ZMAT4: variants seen among roughly 807,000 people sequenced by gnomAD.
ZMAT4 encodes the protein zinc finger matrin-type 4, also known as zinc finger matrin-type protein 4.
ZMAT4 carries 17 observed loss-of-function variants against 28.7 expected under a neutral mutation model. That is an observed-to-expected ratio of 0.59 (90% CI 0.41 to 0.89). The LOEUF (loss-of-function observed/expected upper bound fraction) is 0.89, where lower values mean the gene tolerates loss of function less well. Among genes scored for constraint, ZMAT4 ranks in the 40% least tolerant of loss-of-function variants. ZMAT4 has a pLI of 0.00. For synonymous variants in ZMAT4, 117 were observed against 109.2 expected, an observed-to-expected ratio of 1.07 and a Z score of -0.44; for missense variants, 240 against 283.8, an observed-to-expected ratio of 0.85 and a Z score of 1.11.
At chr8:40,727,980 C>T (rs1410954410) in intron 3 of ZMAT4, among the ~76,000 whole-genome samples, 1 of 151,684 alleles carries the variant, frequency 6.6e-6, no homozygotes, top group Non-Finnish European at 1.5e-5. Flanking sequence ...ATACCAAAAG[C>T]AAAAATAGGT....
chr8:40,823,585 AGAG>A (rs1815909079), intron 2 of ZMAT4, among the ~76,000 whole-genome samples: 1 of 152,068 alleles, frequency 6.6e-6, no homozygotes, highest in Admixed American at 6.5e-5. Flanking sequence ...CTTGAACCCT[AGAG>A]GAGGAGGTTG....
intron 5 of ZMAT4, among the ~76,000 whole-genome samples, chr8:40,611,005 G>T (rs1290963696): frequency 6.7e-6 from 1 of 149,148 alleles, no homozygotes; most frequent in Non-Finnish European, 1.5e-5. Context: ...TCTCCAAAAA[G>T]ACCCGAGTGG....
intron 1 of ZMAT4, among the ~76,000 whole-genome samples, chr8:40,841,673 T>C (rs1217843236): frequency 6.6e-6 from 1 of 152,216 alleles, no homozygotes; most frequent in Non-Finnish European, 1.5e-5. Flanking sequence ...AAAGTATCTC[T>C]CTTCTCTGTA....
At position 40,756,381 on chromosome 8, in the gene ZMAT4, C is replaced by A. The variant is rs1812680105; in HGVS notation, c.192+11260G>T. ...GCAACACTTATCAAAATTATAAATG[C>A]ACACATGTTTTCACCCAGCAATTTC... On this transcript the variant is annotated intron_variant, in intron 3 of 6. Coordinates refer to ENST00000297737, the MANE Select transcript of ZMAT4 (RefSeq NM_024645.3). Among the ~76,000 whole-genome samples, 3 of 140,872 alleles carry A rather than the reference C, an allele frequency of 2.1e-5. No individual in the cohort carries two copies. In the South Asian group the frequency reaches 6.8e-4, roughly 32 times the overall value. The allele number at this position is 140,872 out of a possible 152,430, so 92.4% of individuals were successfully genotyped here. A position where few individuals can be genotyped will look rare whatever the true frequency, so the allele number is the denominator to read the frequency against.
intron 5 of ZMAT4, among the ~76,000 whole-genome samples, chr8:40,619,121 T>C (rs557386685): frequency 6.6e-6 from 1 of 152,284 alleles, no homozygotes; most frequent in African/African-American, 2.4e-5. Flanking sequence ...GGACTATTAA[T>C]TCCCTGATGC....
intron 4 of ZMAT4, among the ~76,000 whole-genome samples, chr8:40,686,405 G>C (rs1809409338): frequency 6.6e-6 from 1 of 151,978 alleles, no homozygotes; most frequent in Admixed American, 6.6e-5. Context: ...TTCAAAGCTT[G>C]AGTAAGCTAT....
intron 1 of ZMAT4, among the ~76,000 whole-genome samples, chr8:40,888,893 T>C (rs1326376488): frequency 1.3e-5 from 2 of 152,180 alleles, no homozygotes; most frequent in Non-Finnish European, 2.9e-5. Flanking sequence ...GAAGGAAGGA[T>C]GACAGGAAGG....
intron 3 of ZMAT4, among the ~76,000 whole-genome samples, chr8:40,704,487 C>T (rs538727928): frequency 1.6e-4 from 25 of 152,336 alleles, no homozygotes; most frequent in Non-Finnish European, 3.5e-4. Context: ...CCTGACCTCT[C>T]CCAGTCCTTA....
intron 5 of ZMAT4, among the ~76,000 whole-genome samples, chr8:40,651,224 C>G (rs1258175213): frequency 6.6e-6 from 1 of 152,054 alleles, no homozygotes; most frequent in East Asian, 1.9e-4. Flanking sequence ...GCAACTTCAG[C>G]CAAGTCTCAG....
intron 2 of ZMAT4, among the ~76,000 whole-genome samples, chr8:40,820,338 G>C (rs1238467450): frequency 6.6e-6 from 1 of 151,362 alleles, no homozygotes; most frequent in Non-Finnish European, 1.5e-5. Context: ...ATGTGTATGT[G>C]TGTGTTTATG....
intron 3 of ZMAT4, among the ~76,000 whole-genome samples, chr8:40,714,486 GCC>G (rs1810759693): frequency 2.6e-5 from 4 of 152,154 alleles, no homozygotes; most frequent in African/African-American, 9.7e-5. Context: ...AGAAAAATAT[GCC>G]ATGGAATATG....
At chr8:40,781,925 C>CT (rs1382604033) in intron 2 of ZMAT4, among the ~76,000 whole-genome samples, 2 of 152,066 alleles carry the variant, frequency 1.3e-5, no homozygotes, top group East Asian at 3.8e-4. Context: ...TACCTCCTAC[C>CT]ATATACAGAA....
intron 5 of ZMAT4, among the ~76,000 whole-genome samples, chr8:40,629,396 G>GT (rs146091449): frequency 0.22 from 32,490 of 146,836 alleles, 3,645 homozygotes; most frequent in Middle Eastern, 0.27. Flanking sequence ...CTGCAATGGA[G>GT]TTTTTTTTTT....
intron 5 of ZMAT4, among the ~76,000 whole-genome samples, chr8:40,626,707 C>T (rs1463141954): frequency 6.6e-6 from 1 of 152,086 alleles, no homozygotes; most frequent in South Asian, 2.1e-4. Context: ...GCCTCTGTGA[C>T]CAAATAAAAA....
chr8:40,693,143 G>T (rs1431681737), intron 4 of ZMAT4, among the ~76,000 whole-genome samples: 3 of 152,076 alleles, frequency 2.0e-5, no homozygotes, highest in Admixed American at 6.6e-5. Context: ...CTAAGACAGG[G>T]TTTCACTCTG....
intron 6 of ZMAT4, among the ~76,000 whole-genome samples, chr8:40,580,256 C>G (rs1380941609): frequency 6.6e-6 from 1 of 152,052 alleles, no homozygotes; most frequent in East Asian, 1.9e-4. Flanking sequence ...TCCTGATCCG[C>G]CCACCTCAGC....
intron 1 of ZMAT4, among the ~76,000 whole-genome samples, chr8:40,833,262 A>G (rs1422171043): frequency 5.3e-5 from 8 of 152,078 alleles, no homozygotes; most frequent in Non-Finnish European, 1.0e-4. Flanking sequence ...AGAAACAAGA[A>G]AAGTACTCTA....
At chr8:40,534,155 T>C (rs142407238) in intron 6 of ZMAT4, among the ~76,000 whole-genome samples, 1,751 of 152,326 alleles carry the variant, frequency 0.011, 17 homozygotes, top group South Asian at 0.027. Flanking sequence ...TATCACATTC[T>C]TCCTTTTTAT....
intron 3 of ZMAT4, among the ~76,000 whole-genome samples, chr8:40,709,749 G>A (rs1810519079): frequency 6.6e-6 from 1 of 152,112 alleles, no homozygotes; most frequent in African/African-American, 2.4e-5. Context: ...AAGAATTGGT[G>A]GTAGTTGAGC....
Sources: gnomAD v4.1 joint callset for allele counts (sites outside exome capture counted in the v4.1 genomes callset) on GRCh38, gnomAD v4.1.1 for gene constraint, MANE v1.5 for transcripts, NCBI Gene and HGNC (gene_info 2026-07-23, HGNC 2026-07-21) for gene names.